Variants in TNS3 observed in about 807,000 individuals in gnomAD.
TNS3 encodes the protein tensin-3.
A neutral mutation model predicts 140.9 loss-of-function variants in TNS3; 45 were observed. That is an observed-to-expected ratio of 0.32 (90% CI 0.25 to 0.41). The LOEUF is 0.41. TNS3 is among the 10% of genes least tolerant of loss of function. TNS3 has a pLI of 1.00. For missense variants in TNS3, 1,716 were observed against 1,906.7 expected (o/e 0.90, Z 1.86); for synonymous variants, 815 against 788.4 (o/e 1.03, Z -0.56).
intron 1 of TNS3, among the ~76,000 whole-genome samples, chr7:47,558,994 C>T (rs1448313581): frequency 1.3e-5 from 2 of 152,228 alleles, no homozygotes; most frequent in African/African-American, 2.4e-5. Flanking sequence ...AAGCAAATCT[C>T]GCAACGCCCG....
rs763366029 is a variant in TNS3 at position 47,428,384 on chromosome 7, A to G, written c.325-8T>C. 7.1e-6 allele frequency: 10 copies of G among 1,414,032 alleles called. No individual in the cohort carries two copies. The South Asian group carries it at 1.6e-4, about 22-fold the overall frequency. The allele number at this position is 1,414,032 out of a possible 1,614,324, so 87.6% of individuals were successfully genotyped here. A position where few individuals can be genotyped will look rare whatever the true frequency, so the allele number is the denominator to read the frequency against. On this transcript the variant is annotated splice_region_variant and splice_polypyrimidine_tract_variant and intron_variant, in intron 8 of 30. Coordinates refer to ENST00000311160, the MANE Select transcript of TNS3 (RefSeq NM_022748.12). ...TATGCGTCCTTTCCCGCCCTGCAGGAGACAAAAGATCAGCTGATTTTCTCT... is the reference window on the plus strand; with the variant it reads ...TATGCGTCCTTTCCCGCCCTGCAGGGGACAAAAGATCAGCTGATTTTCTCT...
At chr7:47,472,640 G>A (rs1797002963) in intron 4 of TNS3, among the ~76,000 whole-genome samples, 1 of 152,194 alleles carries the variant, frequency 6.6e-6, no homozygotes, top group South Asian at 2.1e-4. Flanking sequence ...AGGGACTAGA[G>A]GCGTCTAGAC....
intron 13 of TNS3, among the ~76,000 whole-genome samples, chr7:47,409,673 T>TC (rs941036042): frequency 1.3e-4 from 20 of 150,734 alleles, no homozygotes; most frequent in Non-Finnish European, 2.6e-4. Context: ...TTTTTTTACC[T>TC]CTGAGACGGA....
intron 25 of TNS3, 35 bp from the exon 26 acceptor site, chr7:47,292,940 A>C: frequency 6.3e-7 from 1 of 1,595,214 alleles, no homozygotes; most frequent in Non-Finnish European, 8.6e-7. Context: ...AAGAGTCAAC[A>C]ACTGCTGTAG....
rs1798016447 is a variant in TNS3 at position 47,496,613 on chromosome 7, T to C, written c.-115+10294A>G. On this transcript the variant is annotated intron_variant, in intron 3 of 30. Coordinates refer to ENST00000311160, the MANE Select transcript of TNS3 (RefSeq NM_022748.12). ...AGAGAAGCGGGAGTAAAAGCGATGG[T>C]GGCCAACGCAAACAGAGTCTGAGTG... 2.6e-5 allele frequency among the ~76,000 whole-genome samples: 4 copies of C among 152,152 alleles called. No homozygotes were observed. The South Asian group carries it at 8.3e-4, about 32-fold the overall frequency.
At chr7:47,419,474 GC>G (rs1272576655) in intron 10 of TNS3, among the ~76,000 whole-genome samples, 1 of 152,196 alleles carries the variant, frequency 6.6e-6, no homozygotes, top group African/African-American at 2.4e-5. Flanking sequence ...GCTGCCCTTG[GC>G]TATTCCTGGG....
intron 4 of TNS3, among the ~76,000 whole-genome samples, chr7:47,473,099 C>T (rs1321585321): frequency 6.6e-6 from 1 of 152,220 alleles, no homozygotes; most frequent in Non-Finnish European, 1.5e-5. Context: ...TCCACCGTGC[C>T]CTGCCAATGC....
Position 47,529,023 on chromosome 7 carries a change from AAC to A in TNS3, c.-153+11_-153+12del. On this transcript the variant is annotated intron_variant, in intron 2 of 30. Coordinates refer to ENST00000311160, the MANE Select transcript of TNS3 (RefSeq NM_022748.12). ...TGGATTAATCAGTGAGAGAATCATA[AAC>A]ACAGACTTACCTCGGCATGAAATAC... 1 of 1,266,262 alleles carries A rather than the reference AAC, an allele frequency of 7.9e-7. No homozygotes were observed. The highest frequency in any genetic ancestry group is 1.0e-6 in the Non-Finnish European group (1 of 975,510). The allele number at this position is 1,266,262 out of a possible 1,614,324, so 78.4% of individuals were successfully genotyped here.
At chr7:47,278,572 T>G in intron 30 of TNS3, 2 of 203,434 alleles carry the variant, frequency 9.8e-6, no homozygotes, top group Non-Finnish European at 2.0e-5. Flanking sequence ...TCCCTGCAGA[T>G]TCCTGAGCCC....
At chr7:47,345,798 G>A (rs77433668) in intron 18 of TNS3, among the ~76,000 whole-genome samples, 50 of 152,270 alleles carry the variant, frequency 3.3e-4, no homozygotes, top group Middle Eastern at 6.8e-3. Flanking sequence ...TGCTGCTGTC[G>A]GGCTATGGAG....
intron 1 of TNS3, among the ~76,000 whole-genome samples, chr7:47,542,456 G>T (rs549023429): frequency 3.3e-4 from 50 of 152,216 alleles, no homozygotes; most frequent in South Asian, 1.2e-3. Flanking sequence ...CCTGATTCCC[G>T]ATTCCTAGCC....
At chr7:47,542,732 G>C (rs1180712783) in intron 1 of TNS3, among the ~76,000 whole-genome samples, 1 of 151,944 alleles carries the variant, frequency 6.6e-6, no homozygotes, top group East Asian at 1.9e-4. Flanking sequence ...AGTTCAAAAC[G>C]AGTCTGGCCA....
Position 47,424,085 on chromosome 7 carries a change from G to A in TNS3, c.473+16C>T. On this transcript the variant is annotated intron_variant, in intron 10 of 30. Coordinates refer to ENST00000311160, the MANE Select transcript of TNS3 (RefSeq NM_022748.12). Reference sequence around the variant, plus strand: ...TCATTCACCTCTTCACTCTGGCTTTGGGGATCTATACATACCGTTTTTGGG... The same window carrying A: ...TCATTCACCTCTTCACTCTGGCTTTAGGGATCTATACATACCGTTTTTGGG... The A allele has an allele frequency of 6.2e-7, 1 of 1,612,896 alleles. No individual in the cohort carries two copies. Among genetic ancestry groups the A allele is most frequent in the Non-Finnish European group, 8.5e-7 (1 of 1,179,132 alleles).
chr7:47,519,493 T>G (rs990136150), intron 2 of TNS3, among the ~76,000 whole-genome samples: 1 of 152,084 alleles, frequency 6.6e-6, no homozygotes, highest in African/African-American at 2.4e-5. Flanking sequence ...ACCCCAGCGG[T>G]GGGGCCACTC....
chr7:47,400,010 G>A lies in TNS3; in HGVS notation c.919+383C>T, dbSNP rs528164909. 2.0e-5 allele frequency among the ~76,000 whole-genome samples: 3 copies of A among 151,180 alleles called. No individual in the cohort carries two copies. The South Asian group carries it at 6.3e-4, about 32-fold the overall frequency. On this transcript the variant is annotated intron_variant, in intron 15 of 30. Transcript: ENST00000311160. Reference sequence around the variant, plus strand: ...AACAAATAATCCCATCAAAAAGTGGGCAAATGATATGAACAGACATTTTTC... The same window carrying A: ...AACAAATAATCCCATCAAAAAGTGGACAAATGATATGAACAGACATTTTTC...
At chr7:47,403,100 C>T (rs772548733) in intron 13 of TNS3, among the ~76,000 whole-genome samples, 3 of 152,172 alleles carry the variant, frequency 2.0e-5, no homozygotes, top group Non-Finnish European at 4.4e-5. Context: ...TCACCGTGCC[C>T]CTCCCGTCAG....
At chr7:47,337,273 T>C (rs1788686063) in intron 20 of TNS3, among the ~76,000 whole-genome samples, 2 of 152,366 alleles carry the variant, frequency 1.3e-5, no homozygotes, top group African/African-American at 4.8e-5. Flanking sequence ...GAATAAAATC[T>C]GTCCTTACAG....
intron 20 of TNS3, among the ~76,000 whole-genome samples, chr7:47,330,394 C>G (rs1788269204): frequency 6.6e-6 from 1 of 152,228 alleles, no homozygotes; most frequent in African/African-American, 2.4e-5. Context: ...GAGACTGTCT[C>G]TCTCCTTCCA....
intron 1 of TNS3, among the ~76,000 whole-genome samples, chr7:47,530,838 A>AAATATATAT: frequency 1.5e-4 from 8 of 54,558 alleles, no homozygotes; most frequent in African/African-American, 4.7e-4. Flanking sequence ...AAAAAAAAAA[A>AAATATATAT]ATATATATAT....
Sources: allele counts gnomAD v4.1 joint callset (sites outside exome capture counted in the v4.1 genomes callset), GRCh38; gene constraint gnomAD v4.1.1; transcripts MANE v1.5; gene names NCBI Gene and HGNC (gene_info 2026-07-23, HGNC 2026-07-21).